Variants in MARCHF10 observed in about 807,000 individuals in gnomAD.
MARCHF10 encodes membrane associated ring-CH-type finger 10.
MARCHF10 carries 64 observed loss-of-function variants against 76.2 expected under a neutral mutation model. The ratio of observed to expected loss-of-function variants is 0.84; its 90% CI spans 0.69 to 1.03. MARCHF10 has a LOEUF of 1.03. Ranked by LOEUF, MARCHF10 falls within the 50% of genes least tolerant of loss-of-function variation. The pLI is 0.00. For missense variants in MARCHF10, 875 were observed against 958.0 expected (o/e 0.91, Z 1.14); for synonymous variants, 340 against 357.5 (o/e 0.95, Z 0.55).
In MARCHF10 at chr17:62,724,983, G is replaced by A. The variant is rs1405678066; in HGVS notation, c.2059C>T (p.His687Tyr). ...AGCCACTTTTTCAGGCACTCTTGAT[G>A]AACAAACTGCAGGCTTCCCACACAG... ...CGCVGSLQFVHQECLKKWLKV... is the reference protein window; with the variant it reads ...CGCVGSLQFVYQECLKKWLKV... Residue 687 changes from histidine to tyrosine, a missense_variant, in exon 7 of 11, where the codon CAT (histidine) becomes TAT (tyrosine). By Grantham distance (83) the His-to-Tyr change is moderately conservative. Coordinates refer to ENST00000311269, the MANE Select transcript of MARCHF10 (RefSeq NM_152598.4). 1 of 1,612,044 alleles carries A rather than the reference G, an allele frequency of 6.2e-7. No individual in the cohort carries two copies. Among genetic ancestry groups the A allele is most frequent in the Admixed American group, 1.7e-5 (1 of 59,560 alleles).
rs1174154838 is a variant in MARCHF10, at chr17:62,788,512, A to G, written c.178T>C (p.Ser60Pro). Residue 60 changes from serine to proline, a missense_variant, in exon 3 of 11, where the codon TCC becomes CCC. Transcript: ENST00000311269. ...GAAGATGACCTGCTAGAAAACCGGG[A>G]TCTCTCAAAACTTGTCTCTTGCCCC... Reference protein sequence around the residue: ...FWGQETSFERSRFSSRSSSKQ... With the variant: ...FWGQETSFERPRFSSRSSSKQ... 6.2e-7 allele frequency: 1 copy of G among 1,613,970 alleles called. No individual in the cohort carries two copies. Among genetic ancestry groups the G allele is most frequent in the Admixed American group, 1.7e-5 (1 of 59,994 alleles).
At chr17:62,800,660 C>T (rs147412104) in intron 2 of MARCHF10, among the ~76,000 whole-genome samples, 13 of 152,150 alleles carry the variant, frequency 8.5e-5, no homozygotes, top group African/African-American at 2.9e-4. Flanking sequence ...AGGGAAGGAG[C>T]GCTTTTCAAT....
intron 3 of MARCHF10, among the ~76,000 whole-genome samples, chr17:62,786,870 C>A (rs1598030718): frequency 2.6e-5 from 4 of 152,290 alleles, no homozygotes; most frequent in South Asian, 4.1e-4. Flanking sequence ...AAGTTCCCTG[C>A]AGAGGCACCC....
At chr17:62,719,310 T>C (rs1025439415) in intron 8 of MARCHF10, among the ~76,000 whole-genome samples, 2 of 152,198 alleles carry the variant, frequency 1.3e-5, no homozygotes, top group Admixed American at 6.5e-5. Flanking sequence ...ATGTAATTTT[T>C]ACTTTTTTTT....
At position 62,712,755 on chromosome 17, in the gene MARCHF10, A is replaced by T. The variant is rs79783662; in HGVS notation, c.2215-1411T>A. Among the ~76,000 whole-genome samples, 5,291 of 152,096 alleles carry T rather than the reference A, an allele frequency of 0.035. 327 individuals are homozygous for T. Among genetic ancestry groups the T allele is most frequent in the African/African-American group, 0.12 (4,992 of 41,454 alleles). On this transcript the variant is annotated intron_variant, in intron 8 of 10. Coordinates refer to ENST00000311269, the MANE Select transcript of MARCHF10 (RefSeq NM_152598.4). This position sits in a 1 kb window ranked among gnomAD's most constrained non-coding sequence, Gnocchi z 4.2. ...TGCATTATTTCTGTTTTATTTATTT[A>T]ATTTTATTTTTGAGACAGACACAGT... is the stretch of plus-strand genomic sequence containing the variant.
intron 5 of MARCHF10, among the ~76,000 whole-genome samples, chr17:62,743,472 G>C (rs1335599399): frequency 6.6e-6 from 1 of 152,058 alleles, no homozygotes; most frequent in Non-Finnish European, 1.5e-5. Flanking sequence ...GTGAAACCCT[G>C]TCTCTACCAA....
intron 8 of MARCHF10, among the ~76,000 whole-genome samples, chr17:62,713,379 GC>G (rs1201760940): frequency 1.3e-4 from 20 of 152,298 alleles, no homozygotes; most frequent in African/African-American, 4.8e-4. Flanking sequence ...ACTCAATAAG[GC>G]CCAGAGGCAT....
intron 4 of MARCHF10, among the ~76,000 whole-genome samples, chr17:62,746,096 T>C (rs981522806): frequency 1.3e-5 from 2 of 152,210 alleles, no homozygotes; most frequent in Non-Finnish European, 2.9e-5. Context: ...GTGTGAATAG[T>C]TTTCCTCCAG....
intron 3 of MARCHF10, among the ~76,000 whole-genome samples, chr17:62,770,543 C>CTT (rs35664995): frequency 0.49 from 66,247 of 136,290 alleles, 17,631 homozygotes; most frequent in East Asian, 0.7. Context: ...TGTATTTTGA[C>CTT]TTTTTTTTTT....
At chr17:62,786,195 T>A (rs987412764) in intron 3 of MARCHF10, among the ~76,000 whole-genome samples, 1 of 152,134 alleles carries the variant, frequency 6.6e-6, no homozygotes, top group African/African-American at 2.4e-5. Context: ...TGGAATACTA[T>A]GCAGCCATAA....
chr17:62,704,946 G>GTGTTTTTTTT, intron 10 of MARCHF10: 14 of 837,082 alleles, frequency 1.7e-5, no homozygotes, highest in South Asian at 5.6e-5. Flanking sequence ...TTCTCCAGTC[G>GTGTTTTTTTT]TTTTTTTTTT....
Position 62,801,723 on chromosome 17 carries a change from C to A in MARCHF10, c.13G>T (p.Ala5Ser), listed in dbSNP as rs767914456. The A allele has an allele frequency of 1.2e-6, 2 of 1,613,934 alleles. No individual in the cohort carries two copies. Among genetic ancestry groups the A allele is most frequent in the Middle Eastern group, 3.3e-4 (2 of 6,060 alleles). The change falls in exon 2 of 11, where the codon GCA becomes TCA. Residue 5 changes from alanine (A) to serine (S), a missense_variant. Physicochemically the swap from Ala to Ser is moderately conservative, Grantham distance 99. Transcript: ENST00000311269. ...CTGAAGAACTTCTGCCTGTCCCTTG[C>A]GTCATGCAACATGATTCCTAATCCC... MLHD[A>S]RDRQKFFSDV... is the part of the protein sequence containing the mutation.
intron 4 of MARCHF10, among the ~76,000 whole-genome samples, chr17:62,756,203 G>A (rs1198141808): frequency 3.3e-5 from 5 of 152,064 alleles, no homozygotes; most frequent in African/African-American, 7.2e-5. Context: ...AGCCGAGATC[G>A]CGCCATTGCA....
In MARCHF10 at chr17:62,794,845, C is replaced by T. The variant is rs143287200; in HGVS notation, c.91-6246G>A. ...TGGTTTCTTTTTGTTGTTGTTCTTG[C>T]GATCTGACTTGCATACCCCAGAGTC... On this transcript the variant is annotated intron_variant, in intron 2 of 10. Transcript: ENST00000311269. Among the ~76,000 whole-genome samples the T allele has an allele frequency of 8.5e-5, 13 of 152,202 alleles. No homozygotes were observed. In the East Asian group the frequency reaches 2.1e-3, roughly 25 times the overall value.
At chr17:62,730,307 C>T (rs2090968578) in intron 6 of MARCHF10, among the ~76,000 whole-genome samples, 1 of 152,116 alleles carries the variant, frequency 6.6e-6, no homozygotes, top group African/African-American at 2.4e-5. Context: ...CGAAAACAGA[C>T]TGATAAGGAT....
intron 3 of MARCHF10, among the ~76,000 whole-genome samples, chr17:62,763,950 C>T (rs898549418): frequency 3.3e-5 from 5 of 152,078 alleles, no homozygotes; most frequent in Admixed American, 2.0e-4. Context: ...CCCAGGGCTA[C>T]GCGCTTTCAA....
At chr17:62,745,465 T>A (rs1426665929) in intron 4 of MARCHF10, among the ~76,000 whole-genome samples, 12 of 152,176 alleles carry the variant, frequency 7.9e-5, no homozygotes, top group Admixed American at 7.9e-4. Flanking sequence ...AGCAACACTG[T>A]CAAGAGCCTT....
At chr17:62,748,756 G>A (rs927422810) in intron 4 of MARCHF10, among the ~76,000 whole-genome samples, 2 of 152,182 alleles carry the variant, frequency 1.3e-5, no homozygotes, top group South Asian at 2.1e-4. Context: ...AAAGAGTTTC[G>A]AACCCTCAAT....
At chr17:62,791,499 GGGGA>G (rs1186577778) in intron 2 of MARCHF10, among the ~76,000 whole-genome samples, 3 of 152,304 alleles carry the variant, frequency 2.0e-5, no homozygotes, top group Admixed American at 2.0e-4. Context: ...TTTACCAAAA[GGGGA>G]GGAAGAATAG....
Sources: allele counts gnomAD v4.1 joint callset (sites outside exome capture counted in the v4.1 genomes callset), GRCh38; gene constraint gnomAD v4.1.1; non-coding constraint Gnocchi (gnomAD v3.1); transcripts MANE v1.5; gene names NCBI Gene and HGNC (gene_info 2026-07-23, HGNC 2026-07-21).